The following COG5 variants were observed in gnomAD, a reference collection of about 807,000 sequenced individuals.
COG5 encodes component of oligomeric golgi complex 5, also known as conserved oligomeric Golgi complex subunit 5.
Under a neutral mutation model 110.4 loss-of-function variants are expected in COG5, and 86 were observed. The ratio of observed to expected loss-of-function variants is 0.78; its 90% CI spans 0.65 to 0.93. COG5 has a LOEUF of 0.93. Ranked by LOEUF, COG5 falls within the 40% of genes least tolerant of loss-of-function variation. The probability of loss-of-function intolerance (pLI) is 0.00; values close to 1 mark genes in which losing one functional copy is unlikely to be tolerated. For missense variants in COG5, 1,077 were observed against 987.0 expected (o/e 1.09, Z -1.22); for synonymous variants, 360 against 334.6 (o/e 1.08, Z -0.83).
At chr7:107,206,203 C>T (rs575622481) in intron 21 of COG5, among the ~76,000 whole-genome samples, 11 of 152,188 alleles carry the variant, frequency 7.2e-5, no homozygotes, top group South Asian at 2.1e-4. Context: ...CCTCGTGATC[C>T]GCCCACCTGG....
intron 6 of COG5, among the ~76,000 whole-genome samples, chr7:107,509,157 T>C (rs1185836940): frequency 1.3e-5 from 2 of 151,006 alleles, no homozygotes; most frequent in African/African-American, 4.9e-5. Flanking sequence ...GAAAAAAAAG[T>C]AGACGAATGG....
chr7:107,425,339 T>G (rs1467128459), intron 6 of COG5, among the ~76,000 whole-genome samples: 1 of 140,424 alleles, frequency 7.1e-6, no homozygotes, highest in Non-Finnish European at 1.6e-5. Flanking sequence ...TGAGACTCTG[T>G]CTCCAAAAAA....
chr7:107,541,444 T>C (rs1462835754), intron 5 of COG5, among the ~76,000 whole-genome samples: 2 of 125,906 alleles, frequency 1.6e-5, no homozygotes, highest in African/African-American at 3.1e-5. Context: ...TTGCAGTGGG[T>C]TGAGATCGTG....
chr7:107,355,640 C>T (rs1323102782), intron 10 of COG5, among the ~76,000 whole-genome samples: 1 of 152,126 alleles, frequency 6.6e-6, no homozygotes, highest in Non-Finnish European at 1.5e-5. Flanking sequence ...GAACCTTAAA[C>T]GCATATTGCT....
chr7:107,434,558 T>C (rs962799467), intron 6 of COG5, among the ~76,000 whole-genome samples: 5 of 151,928 alleles, frequency 3.3e-5, no homozygotes, highest in African/African-American at 9.7e-5. Flanking sequence ...TAAGCAAACA[T>C]CACCTGCTCC....
intron 6 of COG5, among the ~76,000 whole-genome samples, chr7:107,443,155 T>C (rs879406219): frequency 6.6e-6 from 1 of 152,176 alleles, no homozygotes. Flanking sequence ...TATCCATACA[T>C]GGTATATTAT....
intron 16 of COG5, among the ~76,000 whole-genome samples, chr7:107,249,732 GTGTGTGTA>G (rs979298882): frequency 7.1e-6 from 1 of 140,900 alleles, no homozygotes; most frequent in African/African-American, 2.9e-5. Context: ...GTGTGTGTGT[GTGTGTGTA>G]TACATATAGT....
chr7:107,540,647 TTAAG>T lies in COG5; in HGVS notation c.417+7460_417+7463del, dbSNP rs1054977213. On this transcript the variant is annotated intron_variant, in intron 5 of 21. Coordinates refer to ENST00000297135, the MANE Select transcript of COG5 (RefSeq NM_006348.5). Reference sequence around the variant, plus strand: ...AAAGATCAAACTGATTCCAAGTAACTTAAGTGTGAACCAGAAAAAAGTCCAACAT... The same window carrying T: ...AAAGATCAAACTGATTCCAAGTAACTTGTGAACCAGAAAAAAGTCCAACAT... 2.0e-4 allele frequency among the ~76,000 whole-genome samples: 30 copies of T among 150,520 alleles called. No homozygotes were observed. In the Middle Eastern group the frequency reaches 0.01, roughly 52 times the overall value.
At chr7:107,452,462 G>A (rs930027278) in intron 6 of COG5, among the ~76,000 whole-genome samples, 42 of 152,224 alleles carry the variant, frequency 2.8e-4, no homozygotes, top group African/African-American at 8.9e-4. Context: ...AAAGGAACCC[G>A]GTGGGAGGTA....
At chr7:107,371,460 A>G (rs1814158641) in intron 8 of COG5, among the ~76,000 whole-genome samples, 1 of 152,132 alleles carries the variant, frequency 6.6e-6, no homozygotes, top group Non-Finnish European at 1.5e-5. Context: ...TCTAAAAAAA[A>G]TTAAAAATTA....
chr7:107,560,739 T>C (rs143207743), intron 1 of COG5, among the ~76,000 whole-genome samples: 10 of 152,350 alleles, frequency 6.6e-5, no homozygotes, highest in Admixed American at 2.0e-4. Context: ...TAGGTTTTCA[T>C]GTGTATTATA....
At chr7:107,213,525 A>T (rs1249892035) in intron 19 of COG5, among the ~76,000 whole-genome samples, 1 of 152,224 alleles carries the variant, frequency 6.6e-6, no homozygotes, top group Non-Finnish European at 1.5e-5. Context: ...CCCAACAGGG[A>T]AATACACTTT....
chr7:107,221,981 G>A (rs372945142), intron 19 of COG5, among the ~76,000 whole-genome samples: 1 of 151,854 alleles, frequency 6.6e-6, no homozygotes, highest in Admixed American at 6.6e-5. Context: ...TATTCTTGAC[G>A]CAAACTGTAA....
At chr7:107,222,483 C>A (rs535943217) in intron 19 of COG5, among the ~76,000 whole-genome samples, 1 of 152,182 alleles carries the variant, frequency 6.6e-6, no homozygotes, top group African/African-American at 2.4e-5. Context: ...GGATTACAGG[C>A]GTGAGCCACC....
intron 6 of COG5, among the ~76,000 whole-genome samples, chr7:107,425,985 C>CG (rs1188705775): frequency 3.3e-5 from 5 of 152,080 alleles, no homozygotes; most frequent in Non-Finnish European, 5.9e-5. Flanking sequence ...AGGGCAGAGA[C>CG]GGGGGTAAAG....
In COG5 at chr7:107,256,762, T is replaced by C. The variant is rs1802913835; in HGVS notation, c.1719A>G (p.Ala573=). The C allele has an allele frequency of 1.9e-6, 3 of 1,611,356 alleles. No homozygotes were observed. Among genetic ancestry groups the C allele is most frequent in the East Asian group, 2.2e-5 (1 of 44,784 alleles). The change falls in exon 16 of 22, where the codon GCA becomes GCG. Residue 573 remains alanine, a synonymous_variant. Coordinates refer to ENST00000297135, the MANE Select transcript of COG5 (RefSeq NM_006348.5). The part of the protein sequence containing the change: ...VVSSQSSFPL[A]AEQTIISALK... ...GAGCTGAAATTATAGTTTGCTCAGCTGCCAGTGGGAATGAGCTCTGACTGG... is the reference window on the plus strand; with the variant it reads ...GAGCTGAAATTATAGTTTGCTCAGCCGCCAGTGGGAATGAGCTCTGACTGG...
intron 14 of COG5, among the ~76,000 whole-genome samples, chr7:107,259,264 A>C (rs769047484): frequency 1.3e-5 from 2 of 152,136 alleles, no homozygotes; most frequent in Non-Finnish European, 2.9e-5. Flanking sequence ...AGGTTAAACA[A>C]CTCCAATTTA....
chr7:107,297,318 T>C (rs1320306336), intron 12 of COG5, among the ~76,000 whole-genome samples: 1 of 152,120 alleles, frequency 6.6e-6, no homozygotes, highest in Non-Finnish European at 1.5e-5. Flanking sequence ...GTATTATAGG[T>C]AACCTAGAGA....
chr7:107,303,544 C>A (rs1416916128), intron 11 of COG5, among the ~76,000 whole-genome samples: 2 of 152,030 alleles, frequency 1.3e-5, no homozygotes, highest in African/African-American at 2.4e-5. Context: ...CCTACCTCAG[C>A]CTCCCAAGTA....
Sources: gnomAD v4.1 joint callset for allele counts (sites outside exome capture counted in the v4.1 genomes callset) on GRCh38, gnomAD v4.1.1 for gene constraint, MANE v1.5 for transcripts, NCBI Gene and HGNC (gene_info 2026-07-23, HGNC 2026-07-21) for gene names.